Variants in CCDC12 observed in about 807,000 individuals in gnomAD.
CCDC12 encodes coiled-coil domain-containing protein 12.
A neutral mutation model predicts 25.7 loss-of-function variants in CCDC12; 28 were observed. The observed-to-expected ratio is 1.09, with a 90% CI of 0.81 to 1.50. The LOEUF is 1.50. Among genes scored for constraint, CCDC12 ranks in the 40% most tolerant of loss-of-function variants. CCDC12 has a pLI of 0.00. For missense variants in CCDC12, 198 were observed against 210.0 expected (o/e 0.94, Z 0.35); for synonymous variants, 75 against 87.7 (o/e 0.86, Z 0.81).
At chr3:46,931,086 G>C (rs1366374746) in intron 2 of CCDC12, among the ~76,000 whole-genome samples, 1 of 152,232 alleles carries the variant, frequency 6.6e-6, no homozygotes, top group East Asian at 1.9e-4. Flanking sequence ...AAGCAAAGAA[G>C]TTGTGCCCAG....
At chr3:46,932,307 C>T (rs907519217) in intron 2 of CCDC12, among the ~76,000 whole-genome samples, 6 of 152,178 alleles carry the variant, frequency 3.9e-5, no homozygotes, top group Admixed American at 3.9e-4. Context: ...CCTAGAGTGG[C>T]CTAAAGTACC....
intron 1 of CCDC12, among the ~76,000 whole-genome samples, chr3:46,971,076 C>G (rs1171446797): frequency 3.3e-5 from 5 of 152,220 alleles, no homozygotes; most frequent in African/African-American, 9.6e-5. Context: ...CCTGGAGCAT[C>G]TCCACTCTCA....
chr3:46,944,322 T>C (rs2107145198), intron 1 of CCDC12, among the ~76,000 whole-genome samples: 1 of 152,116 alleles, frequency 6.6e-6, no homozygotes, highest in East Asian at 1.9e-4. Flanking sequence ...AGAGTGGCGC[T>C]GAGTTTCTAA....
At chr3:46,962,468 G>C (rs1223845319) in intron 1 of CCDC12, among the ~76,000 whole-genome samples, 1 of 129,224 alleles carries the variant, frequency 7.7e-6, no homozygotes. Flanking sequence ...TTAATTTTAA[G>C]AGCCTGAAAA....
chr3:46,976,835 T>G (rs996608173), upstream of CCDC12: 68 of 1,517,334 alleles, frequency 4.5e-5, no homozygotes, highest in East Asian at 1.3e-3. Context: ...AATGAGAGAC[T>G]GGGAGGTCCT....
intron 1 of CCDC12, chr3:46,976,236 T>G: frequency 1.1e-6 from 1 of 872,300 alleles, no homozygotes. Context: ...GACTGGGGAG[T>G]CTGTCTGACT....
At chr3:46,949,229 C>T (rs1361264301) in intron 1 of CCDC12, among the ~76,000 whole-genome samples, 1 of 152,086 alleles carries the variant, frequency 6.6e-6, no homozygotes, top group Non-Finnish European at 1.5e-5. Context: ...CAGAGGCTTT[C>T]CAAAGGAAGT....
intron 1 of CCDC12, among the ~76,000 whole-genome samples, chr3:46,951,812 TATATATATATAC>T (rs1400516338): frequency 3.5e-5 from 2 of 57,084 alleles, no homozygotes; most frequent in South Asian, 9.4e-4. Flanking sequence ...TATATATATA[TATATATATATAC>T]TTAATGAGGA....
rs766360100 is a variant in CCDC12, at chr3:46,922,098, C to A, written c.460G>T (p.Val154Leu). The change falls in exon 7 of 7, where the codon GTG (valine) becomes TTG (leucine). Residue 154 changes from valine to leucine, a missense_variant. Transcript: ENST00000683445. Reference sequence around the variant, plus strand: ...GTCTTTTGTTCGGTGGCAGCATCCACTGCAGAGGCTAGGCTGTCTTCCTGG... The same window carrying A: ...GTCTTTTGTTCGGTGGCAGCATCCAATGCAGAGGCTAGGCTGTCTTCCTGG... The part of the protein sequence containing the change: ...KGQEDSLASA[V>L]DAATEQKTCD... 6 of 1,614,174 alleles carry A rather than the reference C, an allele frequency of 3.7e-6. No homozygotes were observed. Among genetic ancestry groups the A allele is most frequent in the Non-Finnish European group, 5.1e-6 (6 of 1,180,062 alleles).
At chr3:46,980,390 G>A (rs1186688220), upstream of CCDC12, among the ~76,000 whole-genome samples, 2 of 152,136 alleles carry the variant, frequency 1.3e-5, no homozygotes, top group Non-Finnish European at 2.9e-5. Context: ...CCAAGGTAGG[G>A]AGGTGTGTGG....
rs1207803457 is a variant in CCDC12 at position 46,940,810 on chromosome 3, G to GCAGACT, written c.164+187_164+188insAGTCTG. On this transcript the variant is annotated intron_variant, in intron 2 of 6. Coordinates refer to ENST00000683445, the MANE Select transcript of CCDC12 (RefSeq NM_001277074.2). ...CCAAATGGAAAATGAGGGAAAGGAG[G>GCAGACT]CAGAGAAGGCCTCGACAAGGGCCTT... 1.6e-5 allele frequency: 10 copies of GCAGACT among 617,584 alleles called. No homozygotes were observed. In the Admixed American group the frequency reaches 2.6e-4, roughly 16 times the overall value. The allele number at this position is 617,584 out of a possible 1,614,324, so 38.3% of individuals were successfully genotyped here. A position where few individuals can be genotyped will look rare whatever the true frequency, so the allele number is the denominator to read the frequency against.
chr3:46,941,213 C>G, intron 1 of CCDC12, 148 bp from the exon 2 acceptor site: 1 of 713,092 alleles, frequency 1.4e-6, no homozygotes, highest in Non-Finnish European at 2.5e-6. Flanking sequence ...AGGGTACACG[C>G]CTGCTGCATC....
rs2032697134 is a variant in CCDC12 at position 46,921,982 on chromosome 3, C to A, written c.*75G>T. ...AAGCCAAACTGGAGGTGATGGCAAG[C>A]CTAGCCCCCATCCCTGCCCAAGACC... On this transcript the variant is annotated 3_prime_UTR_variant, in exon 7 of 7. Coordinates refer to ENST00000683445, the MANE Select transcript of CCDC12 (RefSeq NM_001277074.2). The A allele has an allele frequency of 1.3e-6, 2 of 1,517,146 alleles. No individual in the cohort carries two copies. Among genetic ancestry groups the A allele is most frequent in the Non-Finnish European group, 1.8e-6 (2 of 1,099,238 alleles). 94.0% of individuals were successfully genotyped at this position (1,517,146 alleles called of 1,614,324 possible). A position where few individuals can be genotyped will look rare whatever the true frequency, so the allele number is the denominator to read the frequency against.
chr3:46,938,841 G>A (rs2033572885), intron 2 of CCDC12, among the ~76,000 whole-genome samples: 1 of 151,312 alleles, frequency 6.6e-6, no homozygotes, highest in Non-Finnish European at 1.5e-5. Flanking sequence ...GACAGAGCGA[G>A]ACCCCATCTC....
chr3:46,923,839 G>A (rs2032818077), intron 3 of CCDC12, 171 bp from the exon 4 acceptor site: 2 of 460,344 alleles, frequency 4.3e-6, no homozygotes, highest in Non-Finnish European at 3.7e-6. Context: ...CAGCTCTGGA[G>A]GAGGGGCCTG....
At chr3:46,929,754 T>C (rs2033128765) in intron 2 of CCDC12, among the ~76,000 whole-genome samples, 1 of 151,358 alleles carries the variant, frequency 6.6e-6, no homozygotes, top group Non-Finnish European at 1.5e-5. Flanking sequence ...TGGCTGGGCA[T>C]GGTGGCTCAC....
At position 46,922,037 on chromosome 3, in the gene CCDC12, G is replaced by A. The variant is rs747470088; in HGVS notation, c.*20C>T. The A allele has an allele frequency of 3.7e-6, 6 of 1,612,890 alleles. No homozygotes were observed. In the Admixed American group the frequency reaches 1.0e-4, roughly 27 times the overall value. ...TCTGCAGGACAGGCCTGATGGGCGA[G>A]TGGTGGGGCAGGGCATGCCTCAGTC... On this transcript the variant is annotated 3_prime_UTR_variant, in exon 7 of 7. Transcript: ENST00000683445.
intron 1 of CCDC12, among the ~76,000 whole-genome samples, chr3:46,962,102 T>C (rs1404233093): frequency 6.6e-6 from 1 of 152,136 alleles, no homozygotes; most frequent in Non-Finnish European, 1.5e-5. Flanking sequence ...AAAAAAATGA[T>C]AAACTACATT....
At chr3:46,964,131 G>A (rs1335395001) in intron 1 of CCDC12, among the ~76,000 whole-genome samples, 4 of 149,612 alleles carry the variant, frequency 2.7e-5, no homozygotes, top group Middle Eastern at 3.6e-3. Context: ...GGTGAGGAGC[G>A]TCTCTGCCCG....
Sources: allele counts gnomAD v4.1 joint callset (sites outside exome capture counted in the v4.1 genomes callset), GRCh38; gene constraint gnomAD v4.1.1; transcripts MANE v1.5; gene names NCBI Gene and HGNC (gene_info 2026-07-23, HGNC 2026-07-21).